Variants in NEFH observed in about 807,000 individuals in gnomAD.
The protein encoded by NEFH is neurofilament heavy polypeptide.
In NEFH, 58 loss-of-function variants were observed where a neutral mutation model predicts 56.6. The ratio of observed to expected loss-of-function variants is 1.03; its 90% confidence interval spans 0.83 to 1.28. NEFH has a LOEUF of 1.28. NEFH is among the 50% of genes most tolerant of loss of function. The pLI is 0.00. For missense variants in NEFH, 1,221 were observed against 1,307.6 expected (o/e 0.93, Z 1.02); for synonymous variants, 542 against 545.8 (o/e 0.99, Z 0.10).
In NEFH at chr22:29,490,181, C is replaced by A; in HGVS notation, c.2541C>A (p.Ala847=). Residue 847 remains alanine, a synonymous_variant, in exon 4 of 4, where the codon GCC becomes GCA. Transcript: ENST00000310624. ...CAAAGAAGGCAGAGGAAGAGAAAGCCCCTGCCACACCAAAAACAGAGGAGA... is the reference window on the plus strand; with the variant it reads ...CAAAGAAGGCAGAGGAAGAGAAAGCACCTGCCACACCAAAAACAGAGGAGA... The part of the protein sequence containing the change: ...EPPKKAEEEK[A]PATPKTEEKK... 6.2e-7 allele frequency: 1 copy of A among 1,611,930 alleles called. No homozygotes were observed. Among genetic ancestry groups the A allele is most frequent in the Non-Finnish European group, 8.5e-7 (1 of 1,179,064 alleles).
At chr22:29,487,174 G>A (rs183813133) in intron 3 of NEFH, among the ~76,000 whole-genome samples, 9 of 152,094 alleles carry the variant, frequency 5.9e-5, no homozygotes, top group African/African-American at 1.2e-4. Context: ...GAATAAGACC[G>A]GGGGGAGCAG....
Position 29,481,046 on chromosome 22 carries a change from G to C in NEFH, c.784G>C (p.Ala262Pro). The change falls in exon 1 of 4, where the codon GCC becomes CCC. Residue 262 changes from alanine to proline, a missense_variant. By Grantham distance (27) the Ala-to-Pro change is conservative (BLOSUM62 -1). Coordinates refer to ENST00000310624, the MANE Select transcript of NEFH (RefSeq NM_021076.4). Reference protein sequence around the residue: ...QAQMQAETRDALKCDVTSALR... With the variant: ...QAQMQAETRDPLKCDVTSALR... The stretch of plus-strand genomic sequence containing the variant: ...GCAGATGCAGGCCGAGACGCGCGAC[G>C]CCCTGAAGTGCGACGTGACGTCGGC... 6.5e-7 allele frequency: 1 copy of C among 1,531,868 alleles called. No homozygotes were observed. The allele number at this position is 1,531,868 out of a possible 1,614,324, so 94.9% of individuals were successfully genotyped here.
intron 3 of NEFH, among the ~76,000 whole-genome samples, chr22:29,487,173 C>T (rs572262177): frequency 1.3e-5 from 2 of 152,116 alleles, no homozygotes; most frequent in Admixed American, 6.5e-5. Context: ...GGAATAAGAC[C>T]GGGGGGAGCA....
At chr22:29,485,225 C>T (rs2240635) in intron 2 of NEFH, among the ~76,000 whole-genome samples, 101,641 of 151,974 alleles carry the variant, frequency 0.67, 34,266 homozygotes, top group East Asian at 0.86. Flanking sequence ...GTCTCAGCCT[C>T]CCAAGTAGCT....
Position 29,487,028 on chromosome 22 carries a change from A to G in NEFH, c.1208+1181A>G, listed in dbSNP as rs144296467. ...GGGGATATAAAGTGGAGATGATAAT[A>G]AGGGCAACCATGTCATAGGGTTGTC... On this transcript the variant is annotated intron_variant, in intron 3 of 3. Transcript: ENST00000310624. Among the ~76,000 whole-genome samples, 3 of 152,308 alleles carry G rather than the reference A, an allele frequency of 2.0e-5. No homozygotes were observed. In the East Asian group the frequency reaches 5.8e-4, roughly 29 times the overall value.
In NEFH at chr22:29,480,534, T is replaced by C. The variant is rs2062997758; in HGVS notation, c.272T>C (p.Val91Ala). 1.3e-6 allele frequency: 2 copies of C among 1,537,308 alleles called. No individual in the cohort carries two copies. The highest frequency in any genetic ancestry group is 8.7e-7 in the Non-Finnish European group (1 of 1,148,400). The change falls in exon 1 of 4, where the codon GTG (valine) becomes GCG (alanine). Residue 91 changes from valine (V) to alanine (A), a missense_variant. By Grantham distance (64) the Val-to-Ala change is moderately conservative (BLOSUM62 0). Coordinates refer to ENST00000310624, the MANE Select transcript of NEFH (RefSeq NM_021076.4). ...GGGCCGGAGGGCTGCATGGTGGCGG[T>C]GGCCACCTCACGCAGTGAGAAGGAG... Reference protein sequence around the residue: ...SNGPEGCMVAVATSRSEKEQL... With the variant: ...SNGPEGCMVAAATSRSEKEQL...
In NEFH at chr22:29,489,013, A is replaced by G; in HGVS notation, c.1373A>G (p.Glu458Gly). ...EKSEKETVIV[E>G]EQTEETQVTE... is the part of the protein sequence containing the mutation. ...TCTGAGAAAGAAACTGTGATTGTGGAGGAACAGACAGAGGAGACCCAAGTG... is the reference window on the plus strand; with the variant it reads ...TCTGAGAAAGAAACTGTGATTGTGGGGGAACAGACAGAGGAGACCCAAGTG... Residue 458 changes from glutamate to glycine, a missense_variant, in exon 4 of 4, where the codon GAG (glutamate) becomes GGG (glycine). Transcript: ENST00000310624. 6.2e-7 allele frequency: 1 copy of G among 1,614,222 alleles called. No individual in the cohort carries two copies. The highest frequency in any genetic ancestry group is 8.5e-7 in the Non-Finnish European group (1 of 1,180,024).
In NEFH at chr22:29,488,854, T is replaced by C; in HGVS notation, c.1214T>C (p.Leu405Pro). ...TTCCGTGATCCATCCTGCAGAAAAC[T>C]CCTGGAAGGTGAAGAGTGTCGGATT... is the stretch of plus-strand genomic sequence containing the variant. Reference protein sequence around the residue: ...LDIEIAAYRKLLEGEECRIGF... With the variant: ...LDIEIAAYRKPLEGEECRIGF... The change falls in exon 4 of 4, where the codon CTC becomes CCC. Residue 405 changes from leucine to proline, a missense_variant. Around this residue, in one of 4 missense-constraint regions of NEFH, gnomAD observed 243 missense variants for 299.1 expected, o/e 0.81. Coordinates refer to ENST00000310624, the MANE Select transcript of NEFH (RefSeq NM_021076.4). The C allele has an allele frequency of 6.2e-7, 1 of 1,614,192 alleles. No homozygotes were observed. Among genetic ancestry groups the C allele is most frequent in the Non-Finnish European group, 8.5e-7 (1 of 1,180,014 alleles).
At position 29,480,809 on chromosome 22, in the gene NEFH, C is replaced by T. The variant is rs1356370073; in HGVS notation, c.547C>T (p.Gln183Ter). The change falls in exon 1 of 4, where the codon CAG becomes TAG. Residue 183 changes from glutamine to a stop codon, truncating the protein, a stop_gained. Transcript: ENST00000310624. LOFTEE classifies it high-confidence loss of function. ...HLLEDIAHVR[Q>*]RLDDEARQRE... ...GCTCGAGGACATCGCGCACGTGCGC[C>T]AGCGCCTAGACGACGAGGCCCGGCA... 7.1e-7 allele frequency: 1 copy of T among 1,403,680 alleles called. No individual in the cohort carries two copies. Among genetic ancestry groups the T allele is most frequent in the Non-Finnish European group, 9.2e-7 (1 of 1,090,284 alleles). The allele number at this position is 1,403,680 out of a possible 1,614,324, so 87.0% of individuals were successfully genotyped here.
In NEFH at chr22:29,480,672, C is replaced by T. The variant is rs778632217; in HGVS notation, c.410C>T (p.Ala137Val). 3.9e-6 allele frequency: 6 copies of T among 1,545,506 alleles called. No individual in the cohort carries two copies. Among genetic ancestry groups the T allele is most frequent in the African/African-American group, 2.7e-5 (2 of 73,738 alleles). ...GEAAALRQQQ[A>V]GRSAMGELYE... is the part of the protein sequence containing the mutation. ...GCTGCGGCGCTGCGGCAGCAGCAGG[C>T]GGGCCGCTCCGCTATGGGCGAGCTG... Residue 137 changes from alanine to valine, a missense_variant, in exon 1 of 4, where the codon GCG (alanine) becomes GTG (valine). Physicochemically the swap from Ala to Val is moderately conservative, Grantham distance 64 (BLOSUM62 0). Transcript: ENST00000310624.
Position 29,483,276 on chromosome 22 carries a change from C to CA in NEFH, c.884-84dup, listed in dbSNP as rs144426244. ...CCTGGGCGAGAGCGAGAATCCGTCT[C>CA]AAAAAAAAAAAAAAAGAAAAAGAAC... On this transcript the variant is annotated intron_variant, in intron 1 of 3. Transcript: ENST00000310624. The CA allele has an allele frequency of 0.26, 234,146 of 901,726 alleles. 2,746 individuals are homozygous for CA. The highest frequency in any genetic ancestry group is 0.28 in the Non-Finnish European group (172,390 of 622,852). 55.9% of individuals were successfully genotyped at this position (901,726 alleles called of 1,614,324 possible).
At chr22:29,483,243 C>T (rs1439431868) in intron 1 of NEFH, 132 bp from the exon 2 acceptor site, 1 of 814,858 alleles carries the variant, frequency 1.2e-6, no homozygotes, top group Non-Finnish European at 2.0e-6. Flanking sequence ...TGCACCACTG[C>T]CCTCCAGCCT....
Position 29,480,923 on chromosome 22 carries a change from C to G in NEFH, c.661C>G (p.Gln221Glu). 6.6e-7 allele frequency: 1 copy of G among 1,518,710 alleles called. No homozygotes were observed. Among genetic ancestry groups the G allele is most frequent in the Non-Finnish European group, 8.8e-7 (1 of 1,140,752 alleles). The allele number at this position is 1,518,710 out of a possible 1,614,324, so 94.1% of individuals were successfully genotyped here. A position where few individuals can be genotyped will look rare whatever the true frequency, so the allele number is the denominator to read the frequency against. ...GCGCGTGGACCTGCAGAAGAAGGCG[C>G]AGGCGCTGCAGGAGGAGTGCGGCTA... ...AARVDLQKKAQALQEECGYLR... is the reference protein window; with the variant it reads ...AARVDLQKKAEALQEECGYLR... Residue 221 changes from glutamine (Q) to glutamate (E), a missense_variant, in exon 1 of 4, where the codon CAG (glutamine) becomes GAG (glutamate). Coordinates refer to ENST00000310624, the MANE Select transcript of NEFH (RefSeq NM_021076.4).
Position 29,491,161 on chromosome 22 carries a change from T to G in NEFH, c.*458T>G, listed in dbSNP as rs2146402602. ...GAGTGGTCAAGCCCTTGCCCAGAGC[T>G]CTCTATTCTGGAAGAGCGGTCCAGG... On this transcript the variant is annotated 3_prime_UTR_variant, in exon 4 of 4. Coordinates refer to ENST00000310624, the MANE Select transcript of NEFH (RefSeq NM_021076.4). 1.1e-5 allele frequency: 3 copies of G among 285,604 alleles called. No individual in the cohort carries two copies. Among genetic ancestry groups the G allele is most frequent in the South Asian group, 7.3e-5 (2 of 27,346 alleles). 17.7% of individuals were successfully genotyped at this position (285,604 alleles called of 1,614,324 possible). A position where few individuals can be genotyped will look rare whatever the true frequency, so the allele number is the denominator to read the frequency against.
chr22:29,483,514 AC>A lies in NEFH; in HGVS notation c.1024del (p.Leu342TrpfsTer30), dbSNP rs1322021301. On this transcript the variant is annotated frameshift_variant, in exon 2 of 4. Coordinates refer to ENST00000310624, the MANE Select transcript of NEFH (RefSeq NM_021076.4). LOFTEE classifies it high-confidence loss of function. Reference sequence around the variant, plus strand: ...AGGCACTGAAAAGCACCAAGGACTCACTGGAGAGGCAGCGCTCTGAGCTGGA... The same window carrying A: ...AGGCACTGAAAAGCACCAAGGACTCATGGAGAGGCAGCGCTCTGAGCTGGA... ...LEALKSTKDS[L>X]ERQRSELEDR... The A allele has an allele frequency of 6.2e-7, 1 of 1,614,020 alleles. No individual in the cohort carries two copies. Among genetic ancestry groups the A allele is most frequent in the Non-Finnish European group, 8.5e-7 (1 of 1,180,034 alleles).
chr22:29,489,035 A>C lies in NEFH; in HGVS notation c.1395A>C (p.Gln465His). The change falls in exon 4 of 4, where the codon CAA becomes CAC. Residue 465 changes from glutamine to histidine, a missense_variant. Gln to His is a conservative substitution (Grantham distance 24). This residue lies in a region of NEFH where 243 missense variants were observed against 299.1 expected (regional missense o/e 0.81). Coordinates refer to ENST00000310624, the MANE Select transcript of NEFH (RefSeq NM_021076.4). ...VIVEEQTEET[Q>H]VTEEVTEEEE... ...TGGAGGAACAGACAGAGGAGACCCA[A>C]GTGACTGAAGAAGTGACTGAAGAAG... 1 of 1,613,962 alleles carries C rather than the reference A, an allele frequency of 6.2e-7. No homozygotes were observed. Among genetic ancestry groups the C allele is most frequent in the Non-Finnish European group, 8.5e-7 (1 of 1,179,802 alleles).
At position 29,485,716 on chromosome 22, in the gene NEFH, T is replaced by A; in HGVS notation, c.1084-7T>A. ...GGCATGTGATGTGTGTCACCTCTCC[T>A]TCCCAGGAAGCCATTCAGCAGCTGG... is the stretch of plus-strand genomic sequence containing the variant. On this transcript the variant is annotated splice_region_variant and splice_polypyrimidine_tract_variant and intron_variant, in intron 2 of 3. Transcript: ENST00000310624. The A allele has an allele frequency of 6.2e-7, 1 of 1,613,662 alleles. No homozygotes were observed. Among genetic ancestry groups the A allele is most frequent in the Non-Finnish European group, 8.5e-7 (1 of 1,179,766 alleles).
Position 29,489,931 on chromosome 22 carries a change from C to T in NEFH, c.2291C>T (p.Pro764Leu), listed in dbSNP as rs568033030. The change falls in exon 4 of 4, where the codon CCA becomes CTA. Residue 764 changes from proline to leucine, a missense_variant. Physicochemically the swap from Pro to Leu is moderately conservative, Grantham distance 98. Transcript: ENST00000310624. Reference protein sequence around the residue: ...EKAKTLDVKSPEAKTPAKEEA... With the variant: ...EKAKTLDVKSLEAKTPAKEEA... ...GCCAAGACTCTTGATGTGAAGTCTCCAGAAGCCAAGACTCCAGCGAAGGAG... is the reference window on the plus strand; with the variant it reads ...GCCAAGACTCTTGATGTGAAGTCTCTAGAAGCCAAGACTCCAGCGAAGGAG... 1 of 1,613,578 alleles carries T rather than the reference C, an allele frequency of 6.2e-7. No individual in the cohort carries two copies. The highest frequency in any genetic ancestry group is 1.1e-5 in the South Asian group (1 of 91,060).
chr22:29,483,276 CAA>C (rs144426244), intron 1 of NEFH, 97 bp from the exon 2 acceptor site: 6,603 of 907,698 alleles, frequency 7.3e-3, no homozygotes, highest in South Asian at 8.2e-3. Context: ...GAATCCGTCT[CAA>C]AAAAAAAAAA....
Sources: allele counts gnomAD v4.1 joint callset (sites outside exome capture counted in the v4.1 genomes callset), GRCh38; gene constraint gnomAD v4.1.1; regional missense constraint gnomAD v4.1.1; transcripts MANE v1.5; gene names NCBI Gene and HGNC (gene_info 2026-07-23, HGNC 2026-07-21).